KCMF1: variants seen among roughly 807,000 people sequenced by gnomAD.
KCMF1 encodes potassium channel modulatory factor 1.
In KCMF1, 3 loss-of-function variants were observed where a neutral mutation model predicts 41.1. The ratio of observed to expected loss-of-function variants is 0.07; its 90% CI spans 0.03 to 0.19. KCMF1 has a LOEUF of 0.19. KCMF1 is among the 10% of genes least tolerant of loss of function. The pLI is 1.00. For synonymous variants in KCMF1, 142 were observed against 164.5 expected (o/e 0.86, Z 1.04); for missense variants, 286 against 488.9 (o/e 0.58, Z 3.91).
intron 1 of KCMF1, among the ~76,000 whole-genome samples, chr2:85,018,795 ATTTTTTTTTTTTTTT>A (rs34627507): frequency 1.4e-5 from 1 of 73,684 alleles, no homozygotes; most frequent in East Asian, 5.5e-4. Context: ...CAGAACTTTG[ATTTTTTTTTTTTTTT>A]TTTTTTTTTT....
chr2:85,035,106 C>T lies in KCMF1; in HGVS notation c.275C>T (p.Ser92Phe). The change falls in exon 3 of 7, where the codon TCT (serine) becomes TTT (phenylalanine). Residue 92 changes from serine (S) to phenylalanine (F), a missense_variant. Physicochemically the swap from Ser to Phe is radical, Grantham distance 155. Coordinates refer to ENST00000409785, the MANE Select transcript of KCMF1 (RefSeq NM_020122.5). ...YCGKMGYTET[S>F]LQEHVTSEHA... ...GGAAAAATGGGCTATACGGAGACAT[C>T]TCTTCAAGAACATGTTACTTCTGAA... 6.2e-7 allele frequency: 1 copy of T among 1,613,466 alleles called. No individual in the cohort carries two copies. The highest frequency in any genetic ancestry group is 1.3e-5 in the African/African-American group (1 of 75,018).
chr2:84,996,127 A>G (rs1674170617), intron 1 of KCMF1, among the ~76,000 whole-genome samples: 1 of 152,232 alleles, frequency 6.6e-6, no homozygotes, highest in Non-Finnish European at 1.5e-5. Context: ...CTTAGTACCT[A>G]TATAAAAATT....
intron 6 of KCMF1, among the ~76,000 whole-genome samples, chr2:85,052,239 T>C (rs1297690945): frequency 6.6e-6 from 1 of 152,106 alleles, no homozygotes; most frequent in Non-Finnish European, 1.5e-5. Flanking sequence ...CTGGCTAATT[T>C]TTTGTATTTT....
chr2:85,001,036 A>G (rs1438981315), intron 1 of KCMF1, among the ~76,000 whole-genome samples: 1 of 150,402 alleles, frequency 6.6e-6, no homozygotes, highest in Admixed American at 6.6e-5. Context: ...ACTATTGCCC[A>G]GGCTGGTCTT....
intron 5 of KCMF1, among the ~76,000 whole-genome samples, chr2:85,046,629 C>CAAA (rs1252387892): frequency 1.4e-4 from 11 of 76,830 alleles, no homozygotes; most frequent in African/African-American, 3.4e-4. Context: ...GACCCTGTCT[C>CAAA]AAAAAAAAAA....
intron 1 of KCMF1, among the ~76,000 whole-genome samples, chr2:84,976,587 G>A (rs1168343734): frequency 1.3e-5 from 2 of 151,072 alleles, no homozygotes; most frequent in Admixed American, 6.6e-5. Flanking sequence ...ATGTGCACAT[G>A]TAGTCCCAGC....
At chr2:85,042,791 C>G (rs1358082335) in intron 3 of KCMF1, among the ~76,000 whole-genome samples, 3 of 152,112 alleles carry the variant, frequency 2.0e-5, no homozygotes, top group African/African-American at 7.2e-5. Context: ...CTCTCCTTCC[C>G]TCTGTTTCAC....
intron 1 of KCMF1, among the ~76,000 whole-genome samples, chr2:84,981,059 A>G (rs1172454294): frequency 2.1e-5 from 3 of 145,154 alleles, no homozygotes; most frequent in Admixed American, 6.8e-5. Context: ...CACTGCTACT[A>G]GAAAAAAAAA....
intron 1 of KCMF1, among the ~76,000 whole-genome samples, chr2:84,998,815 T>C (rs1474554144): frequency 6.6e-6 from 1 of 151,566 alleles, no homozygotes; most frequent in Non-Finnish European, 1.5e-5. Flanking sequence ...TTTCACCATG[T>C]TGGTCAGGCT....
chr2:85,013,266 G>T (rs749095885), intron 1 of KCMF1, among the ~76,000 whole-genome samples: 11 of 152,286 alleles, frequency 7.2e-5, no homozygotes, highest in Non-Finnish European at 1.5e-4. Context: ...TTAAGTCAAT[G>T]AGAAATGGTC....
chr2:84,974,684 TATATA>T (rs1271927610), intron 1 of KCMF1, among the ~76,000 whole-genome samples: 80 of 46,208 alleles, frequency 1.7e-3, no homozygotes, highest in Non-Finnish European at 3.0e-3. Flanking sequence ...TATATATATA[TATATA>T]TATTTTTTTT....
intron 3 of KCMF1, among the ~76,000 whole-genome samples, chr2:85,038,015 T>C (rs772898350): frequency 1.3e-5 from 2 of 152,386 alleles, no homozygotes; most frequent in South Asian, 4.1e-4. Context: ...TTTCAAGTTT[T>C]GTGAATTCCC....
At chr2:85,007,447 T>C (rs1674500452) in intron 1 of KCMF1, among the ~76,000 whole-genome samples, 1 of 152,226 alleles carries the variant, frequency 6.6e-6, no homozygotes, top group South Asian at 2.1e-4. Context: ...ATGGAGCGTT[T>C]AGCAGGGTTA....
chr2:85,003,145 T>C (rs1674373623), intron 1 of KCMF1, among the ~76,000 whole-genome samples: 1 of 152,200 alleles, frequency 6.6e-6, no homozygotes, highest in East Asian at 1.9e-4. Context: ...AATTGTTTTA[T>C]CCAAAGGCAA....
chr2:85,014,313 A>G (rs1394362017), intron 1 of KCMF1, among the ~76,000 whole-genome samples: 1 of 152,216 alleles, frequency 6.6e-6, no homozygotes, highest in Admixed American at 6.5e-5. Flanking sequence ...CCGTATCATA[A>G]TAAATAAAGT....
intron 1 of KCMF1, among the ~76,000 whole-genome samples, chr2:85,005,351 C>T (rs1043745290): frequency 2.6e-5 from 4 of 151,670 alleles, no homozygotes; most frequent in Non-Finnish European, 5.9e-5. Context: ...TGCAGTGGCA[C>T]GATCTCAGCT....
At chr2:84,984,288 A>T (rs1358779104) in intron 1 of KCMF1, among the ~76,000 whole-genome samples, 1 of 151,416 alleles carries the variant, frequency 6.6e-6, no homozygotes, top group Non-Finnish European at 1.5e-5. Context: ...TTTTGTAGGG[A>T]TGGGGTCTTG....
chr2:84,983,238 TAAC>T (rs1190447239), intron 1 of KCMF1, among the ~76,000 whole-genome samples: 6 of 152,184 alleles, frequency 3.9e-5, no homozygotes, highest in Non-Finnish European at 4.4e-5. Context: ...AATAATGAAA[TAAC>T]AACCCACTAT....
chr2:85,004,486 T>C (rs112599004), intron 1 of KCMF1, among the ~76,000 whole-genome samples: 1 of 151,664 alleles, frequency 6.6e-6, no homozygotes, highest in Non-Finnish European at 1.5e-5. Flanking sequence ...CACTCCAGCC[T>C]GGGCGACAGA....
Sources: gnomAD v4.1 joint callset for allele counts (sites outside exome capture counted in the v4.1 genomes callset) on GRCh38, gnomAD v4.1.1 for gene constraint, MANE v1.5 for transcripts, NCBI Gene and HGNC (gene_info 2026-07-23, HGNC 2026-07-21) for gene names.